Variants in TNS3 observed in about 807,000 individuals in gnomAD.
TNS3 encodes tensin 3.
In TNS3, 45 loss-of-function variants were observed where a neutral mutation model predicts 140.9. The ratio of observed to expected loss-of-function variants is 0.32; its 90% confidence interval spans 0.25 to 0.41. The LOEUF (loss-of-function observed/expected upper bound fraction) is 0.41. Among genes scored for constraint, TNS3 ranks in the 10% least tolerant of loss-of-function variants. The probability of loss-of-function intolerance (pLI) is 1.00; values close to 1 mark genes in which losing one functional copy is unlikely to be tolerated. For missense variants in TNS3, 1,716 were observed against 1,906.7 expected (o/e 0.90, Z 1.86); for synonymous variants, 815 against 788.4 (o/e 1.03, Z -0.56).
chr7:47,498,223 T>C (rs2151852177), intron 3 of TNS3, among the ~76,000 whole-genome samples: 1 of 152,348 alleles, frequency 6.6e-6, no homozygotes, highest in Non-Finnish European at 1.5e-5. Context: ...TAAAACACAC[T>C]TGCAGGCACG....
chr7:47,285,236 C>T (rs1276565598), intron 27 of TNS3, among the ~76,000 whole-genome samples: 2 of 152,190 alleles, frequency 1.3e-5, no homozygotes, highest in African/African-American at 4.8e-5. Flanking sequence ...TTGTTTATAG[C>T]TGAAGACACT....
chr7:47,314,953 G>A lies in TNS3; in HGVS notation c.2651-9950C>T, dbSNP rs191139281. Among the ~76,000 whole-genome samples the A allele has an allele frequency of 2.4e-3, 359 of 152,302 alleles. 1 individual carries two copies. Among genetic ancestry groups the A allele is most frequent in the African/African-American group, 7.6e-3 (316 of 41,570 alleles). On this transcript the variant is annotated intron_variant, in intron 20 of 30. Coordinates refer to ENST00000311160, the MANE Select transcript of TNS3 (RefSeq NM_022748.12). ...AAAGCAACTACATGGAGGGTTTTCC[G>A]GTGCAGGCCAACTTCTACTAAGGCA...
intron 1 of TNS3, among the ~76,000 whole-genome samples, chr7:47,565,503 A>C (rs554382846): frequency 6.6e-6 from 1 of 152,114 alleles, no homozygotes; most frequent in Non-Finnish European, 1.5e-5. Context: ...AGTAGCTGGA[A>C]CTACAGGCGC....
chr7:47,443,781 C>T (rs1374519572), intron 4 of TNS3, among the ~76,000 whole-genome samples: 2 of 152,076 alleles, frequency 1.3e-5, no homozygotes, highest in Admixed American at 6.5e-5. Context: ...AATTAGCCTG[C>T]GTGGTGGCGC....
At chr7:47,486,198 T>A (rs1797609210) in intron 3 of TNS3, among the ~76,000 whole-genome samples, 1 of 151,902 alleles carries the variant, frequency 6.6e-6, no homozygotes, top group Admixed American at 6.6e-5. Flanking sequence ...TGCATATGAG[T>A]GGGTGAGTCA....
chr7:47,346,198 C>T lies in TNS3; in HGVS notation c.2440G>A (p.Asp814Asn). 2 of 1,614,086 alleles carry T rather than the reference C, an allele frequency of 1.2e-6. No individual in the cohort carries two copies. Among genetic ancestry groups the T allele is most frequent in the Non-Finnish European group, 1.7e-6 (2 of 1,179,954 alleles). The change falls in exon 18 of 31, where the codon GAC becomes AAC. Residue 814 changes from aspartate (D) to asparagine (N), a missense_variant. Physicochemically the swap from Asp to Asn is conservative, Grantham distance 23 (BLOSUM62 1). This residue lies in a region of TNS3 where 1,163 missense variants were observed against 1,182.1 expected (regional missense o/e 0.98). Transcript: ENST00000311160. ...GCTGTGGCACATACCTCTTTGACGT[C>T]CGCTGGTGAGGGGAATGGCGGCAGG... The part of the protein sequence containing the change: ...PNLPPFPSPA[D>N]VKETMTPGYP...
chr7:47,421,257 C>T (rs975288488), intron 10 of TNS3, among the ~76,000 whole-genome samples: 3 of 152,112 alleles, frequency 2.0e-5, no homozygotes, highest in South Asian at 4.2e-4. Flanking sequence ...TAAACCAAAA[C>T]TATACCCGGA....
chr7:47,369,944 A>G (rs1790957370), intron 16 of TNS3, among the ~76,000 whole-genome samples: 1 of 152,204 alleles, frequency 6.6e-6, no homozygotes, highest in Non-Finnish European at 1.5e-5. Flanking sequence ...TTTCATCATG[A>G]TTGTGAACAT....
intron 23 of TNS3, among the ~76,000 whole-genome samples, chr7:47,298,008 G>C (rs1786152187): frequency 6.6e-6 from 1 of 151,976 alleles, no homozygotes; most frequent in South Asian, 2.1e-4. Flanking sequence ...GGATGGTCTT[G>C]ATCTCCTGAC....
At chr7:47,312,869 A>G (rs923776344) in intron 20 of TNS3, among the ~76,000 whole-genome samples, 3 of 152,128 alleles carry the variant, frequency 2.0e-5, no homozygotes, top group African/African-American at 7.2e-5. Flanking sequence ...CCTAAAACTT[A>G]AAGTATAATA....
rs554202496 is a variant in TNS3, at chr7:47,344,404, G to A, written c.2650+351C>T. Among the ~76,000 whole-genome samples the A allele has an allele frequency of 1.8e-3, 271 of 152,282 alleles. 1 individual carries two copies. The highest frequency in any genetic ancestry group is 3.4e-3 in the Middle Eastern group (1 of 294). ...GGTGGCAGAGCTGGGGCGCCCGTGC[G>A]GCACAATCCCCACAGAGAACGTGAA... On this transcript the variant is annotated intron_variant, in intron 20 of 30. Transcript: ENST00000311160.
chr7:47,302,346 C>T (rs1309540750), intron 22 of TNS3, 74 bp from the exon 23 acceptor site: 12 of 1,245,038 alleles, frequency 9.6e-6, no homozygotes, highest in Non-Finnish European at 1.4e-5. Flanking sequence ...TGCTGTGATC[C>T]CAGAAGTCCA....
At chr7:47,328,415 C>T (rs1788149359) in intron 20 of TNS3, among the ~76,000 whole-genome samples, 1 of 152,224 alleles carries the variant, frequency 6.6e-6, no homozygotes, top group Non-Finnish European at 1.5e-5. Context: ...GAAACCCAAC[C>T]AGGCTTAGTT....
chr7:47,369,216 A>C lies in TNS3; in HGVS notation c.1430T>G (p.Ile477Ser). The change falls in exon 17 of 31, where the codon ATT (isoleucine) becomes AGT (serine). Residue 477 changes from isoleucine to serine, a missense_variant. Ile to Ser is a moderately radical substitution (Grantham distance 142). Transcript: ENST00000311160. ...GTGGTGGGGCATCTCGTCATCCAGA[A>C]TGTCTGTCTCCCGATCCTTCAGAGC... ...DAALKDRETD[I>S]LDDEMPHHDL... 1 of 1,614,150 alleles carries C rather than the reference A, an allele frequency of 6.2e-7. No homozygotes were observed. The highest frequency in any genetic ancestry group is 8.5e-7 in the Non-Finnish European group (1 of 1,180,034).
intron 4 of TNS3, among the ~76,000 whole-genome samples, chr7:47,468,517 CA>C (rs1280151515): frequency 6.6e-6 from 1 of 152,144 alleles, no homozygotes; most frequent in African/African-American, 2.4e-5. Context: ...CCGAACCAAT[CA>C]CATATGGCCA....
At chr7:47,572,302 C>T (rs1363174060) in intron 1 of TNS3, among the ~76,000 whole-genome samples, 2 of 152,204 alleles carry the variant, frequency 1.3e-5, no homozygotes, top group Admixed American at 6.5e-5. Flanking sequence ...ACGCCTAGGT[C>T]GGGATCCAGG....
At chr7:47,547,920 T>A (rs1030581451) in intron 1 of TNS3, among the ~76,000 whole-genome samples, 4 of 152,162 alleles carry the variant, frequency 2.6e-5, no homozygotes, top group Non-Finnish European at 5.9e-5. Flanking sequence ...CTCCAACTCC[T>A]GACGGAGTCT....
intron 3 of TNS3, among the ~76,000 whole-genome samples, chr7:47,483,640 C>T (rs1797507758): frequency 6.6e-6 from 1 of 152,184 alleles, no homozygotes; most frequent in Non-Finnish European, 1.5e-5. Flanking sequence ...GGATTTGGTC[C>T]AGAAGCCAGG....
intron 4 of TNS3, among the ~76,000 whole-genome samples, chr7:47,452,761 G>A (rs1796072840): frequency 6.6e-6 from 1 of 152,186 alleles, no homozygotes; most frequent in African/African-American, 2.4e-5. Flanking sequence ...TAGGACACAA[G>A]GTCCCACCGA....
Sources: allele counts gnomAD v4.1 joint callset (sites outside exome capture counted in the v4.1 genomes callset), GRCh38; gene constraint gnomAD v4.1.1; regional missense constraint gnomAD v4.1.1; transcripts MANE v1.5; gene names NCBI Gene and HGNC (gene_info 2026-07-23, HGNC 2026-07-21).